The following C10orf90 variants were observed in gnomAD, a reference collection of about 807,000 sequenced individuals.
The protein encoded by C10orf90 is (E2-independent) E3 ubiquitin-conjugating enzyme FATS.
In C10orf90, 56 loss-of-function variants were observed where a neutral mutation model predicts 62.5. The ratio of observed to expected loss-of-function variants is 0.90; its 90% CI spans 0.72 to 1.12. The LOEUF (loss-of-function observed/expected upper bound fraction) is 1.12. Among genes scored for constraint, C10orf90 ranks in the 50% most tolerant of loss-of-function variants. The pLI, the probability that C10orf90 is intolerant of heterozygous loss-of-function variation, is 0.00. For missense variants in C10orf90, 970 were observed against 880.4 expected (o/e 1.10, Z -1.29); for synonymous variants, 386 against 340.4 (o/e 1.13, Z -1.47).
At chr10:126,629,961 C>A (rs1845820360) in intron 2 of C10orf90, among the ~76,000 whole-genome samples, 1 of 152,196 alleles carries the variant, frequency 6.6e-6, no homozygotes. Context: ...TTACATTCAC[C>A]AACTTCTCTT....
intron 2 of C10orf90, among the ~76,000 whole-genome samples, chr10:126,622,920 C>T (rs1385623334): frequency 6.6e-6 from 1 of 152,210 alleles, no homozygotes; most frequent in Non-Finnish European, 1.5e-5. Context: ...CACGCAGACT[C>T]CTCATTGTTA....
chr10:126,455,185 C>A (rs2134084227), intron 7 of C10orf90, among the ~76,000 whole-genome samples: 1 of 152,278 alleles, frequency 6.6e-6, no homozygotes, highest in African/African-American at 2.4e-5. Context: ...TTACACTTAG[C>A]AGCATCTACA....
intron 2 of C10orf90, among the ~76,000 whole-genome samples, chr10:126,606,579 G>C (rs1392431094): frequency 6.6e-6 from 1 of 152,120 alleles, no homozygotes; most frequent in African/African-American, 2.4e-5. Context: ...AAAAGGTACA[G>C]GCATTCCATC....
chr10:126,485,742 C>T (rs1861394513), intron 4 of C10orf90, among the ~76,000 whole-genome samples: 1 of 151,404 alleles, frequency 6.6e-6, no homozygotes, highest in Admixed American at 6.6e-5. Flanking sequence ...AGATCGAGGC[C>T]ATCCTGTCTA....
chr10:126,438,649 A>G (rs938373119), intron 7 of C10orf90, among the ~76,000 whole-genome samples: 1 of 152,216 alleles, frequency 6.6e-6, no homozygotes, highest in African/African-American at 2.4e-5. Flanking sequence ...GAGATCAACT[A>G]TAGGATATTA....
At chr10:126,597,971 G>A (rs1845119001) in intron 2 of C10orf90, among the ~76,000 whole-genome samples, 1 of 152,176 alleles carries the variant, frequency 6.6e-6, no homozygotes, top group Admixed American at 6.5e-5. Flanking sequence ...TACCAGCTAT[G>A]AATATACCTA....
chr10:126,628,607 G>A (rs1356128985), intron 2 of C10orf90, among the ~76,000 whole-genome samples: 1 of 152,200 alleles, frequency 6.6e-6, no homozygotes, highest in Non-Finnish European at 1.5e-5. Context: ...GCTCCCCAAT[G>A]CAAGGCAAGT....
At position 126,504,488 on chromosome 10, in the gene C10orf90, T is replaced by A. The variant is rs777599622; in HGVS notation, c.1003A>T (p.Thr335Ser). ...DDKETSFSPD[T>S]PLSGKSPLVF... ...AGCGGGCTCTTTCCTGACAGTGGGG[T>A]GTCTGGAGAAAAACTGGTCTCTTTG... The change falls in exon 4 of 10, where the codon ACC (threonine) becomes TCC (serine). Residue 335 changes from threonine to serine, a missense_variant. Physicochemically the swap from Thr to Ser is moderately conservative, Grantham distance 58 (BLOSUM62 1). Transcript: ENST00000488181. The surrounding 1 kb of genome is among the most constrained non-coding windows in gnomAD (Gnocchi z 4.1). 9 of 1,613,870 alleles carry A rather than the reference T, an allele frequency of 5.6e-6. No individual in the cohort carries two copies. The highest frequency in any genetic ancestry group is 2.2e-5 in the East Asian group (1 of 44,874).
At chr10:126,527,012 A>G (rs901715211) in intron 2 of C10orf90, among the ~76,000 whole-genome samples, 1 of 152,162 alleles carries the variant, frequency 6.6e-6, no homozygotes, top group Non-Finnish European at 1.5e-5. Context: ...TTATAATACT[A>G]CTACTGTGAA....
chr10:126,445,514 G>A (rs1473841268), intron 7 of C10orf90, among the ~76,000 whole-genome samples: 1 of 151,972 alleles, frequency 6.6e-6, no homozygotes, highest in African/African-American at 2.4e-5. Context: ...TCAAAAAACA[G>A]TAGATGTTGG....
At chr10:126,472,333 C>G (rs981511778) in intron 4 of C10orf90, among the ~76,000 whole-genome samples, 5 of 152,164 alleles carry the variant, frequency 3.3e-5, no homozygotes, top group Admixed American at 1.3e-4. Flanking sequence ...CAATCTGACA[C>G]TCCCCAAAAT....
intron 2 of C10orf90, among the ~76,000 whole-genome samples, chr10:126,545,829 G>A (rs1759800929): frequency 1.3e-5 from 2 of 151,962 alleles, no homozygotes; most frequent in Admixed American, 1.3e-4. Context: ...CTCGGGGAGG[G>A]CAGTGACTTA....
intron 2 of C10orf90, among the ~76,000 whole-genome samples, chr10:126,558,207 C>G (rs1360265015): frequency 6.6e-6 from 1 of 152,184 alleles, no homozygotes; most frequent in African/African-American, 2.4e-5. Context: ...ACTTGTATTA[C>G]TTTGCCAGTT....
At chr10:126,644,007 C>T (rs373134589) in intron 2 of C10orf90, among the ~76,000 whole-genome samples, 17 of 152,358 alleles carry the variant, frequency 1.1e-4, no homozygotes, top group South Asian at 8.3e-4. Flanking sequence ...CCAGGGTCCT[C>T]TGGGCCCTCT....
At chr10:126,545,821 C>T (rs1399735369) in intron 2 of C10orf90, among the ~76,000 whole-genome samples, 3 of 151,970 alleles carry the variant, frequency 2.0e-5, no homozygotes. Flanking sequence ...TGGTTCTTCT[C>T]GGGGAGGGCA....
chr10:126,445,805 G>GTATATATATATATATA lies in C10orf90; in HGVS notation c.2188+13219_2188+13234dup, dbSNP rs71029302. Among the ~76,000 whole-genome samples, 201 of 100,728 alleles carry GTATATATATATATATA rather than the reference G, an allele frequency of 2.0e-3. 4 individuals carry two copies. Among genetic ancestry groups the GTATATATATATATATA allele is most frequent in the African/African-American group, 5.4e-3 (140 of 25,742 alleles). The allele number at this position is 100,728 out of a possible 152,430, so 66.1% of individuals were successfully genotyped here. A position where few individuals can be genotyped will look rare whatever the true frequency, so the allele number is the denominator to read the frequency against. ...AATGAGTAGATAAAGAAACTGTGGT[G>GTATATATATATATATA]TATATATATATATATATATATACAA... On this transcript the variant is annotated intron_variant, in intron 7 of 9. Transcript: ENST00000488181.
intron 7 of C10orf90, among the ~76,000 whole-genome samples, chr10:126,435,014 T>C (rs144179801): frequency 5.1e-4 from 77 of 152,338 alleles, no homozygotes; most frequent in African/African-American, 1.5e-3. Flanking sequence ...AATCTTATGC[T>C]GGACTCTCAT....
At chr10:126,546,368 C>T (rs1433726457) in intron 2 of C10orf90, among the ~76,000 whole-genome samples, 1 of 152,216 alleles carries the variant, frequency 6.6e-6, no homozygotes, top group Non-Finnish European at 1.5e-5. Context: ...CCCCTGCCTG[C>T]CCCCAGGTTC....
chr10:126,589,146 C>A (rs573940521), intron 2 of C10orf90, among the ~76,000 whole-genome samples: 1 of 151,868 alleles, frequency 6.6e-6, no homozygotes, highest in East Asian at 1.9e-4. Flanking sequence ...GACAGGCAGA[C>A]AAGAATAGAG....
Sources: gnomAD v4.1 joint callset for allele counts (sites outside exome capture counted in the v4.1 genomes callset) on GRCh38, gnomAD v4.1.1 for gene constraint, Gnocchi (gnomAD v3.1) non-coding constraint, MANE v1.5 for transcripts, NCBI Gene and HGNC (gene_info 2026-07-23, HGNC 2026-07-21) for gene names.